Variants in DENND4A observed in about 807,000 individuals in gnomAD.
DENND4A encodes DENN domain containing 4A.
DENND4A carries 70 observed loss-of-function variants against 199.3 expected under a neutral mutation model. The ratio of observed to expected loss-of-function variants is 0.35; its 90% CI spans 0.29 to 0.43. The LOEUF (loss-of-function observed/expected upper bound fraction) is 0.43. Ranked by LOEUF, DENND4A falls within the 20% of genes least tolerant of loss-of-function variation. The pLI is 1.00. For missense variants in DENND4A, 1,723 were observed against 2,255.8 expected (o/e 0.76, Z 4.78); for synonymous variants, 686 against 766.9 (o/e 0.89, Z 1.74).
At chr15:65,697,624 G>A (rs1376901304) in intron 20 of DENND4A, among the ~76,000 whole-genome samples, 1 of 152,134 alleles carries the variant, frequency 6.6e-6, no homozygotes, top group African/African-American at 2.4e-5. Flanking sequence ...GTTCCACACT[G>A]TAGTCAAAAG....
chr15:65,786,530 G>C (rs1199810087), intron 1 of DENND4A, among the ~76,000 whole-genome samples: 1 of 151,254 alleles, frequency 6.6e-6, no homozygotes, highest in African/African-American at 2.4e-5. Context: ...AGGTGTTTGA[G>C]ACCAGCCTAG....
At chr15:65,735,433 T>A (rs1349427906) in intron 7 of DENND4A, among the ~76,000 whole-genome samples, 1 of 152,070 alleles carries the variant, frequency 6.6e-6, no homozygotes, top group Non-Finnish European at 1.5e-5. Context: ...ATGATGTCAT[T>A]TGCTTTCTGC....
At chr15:65,739,026 G>C (rs1029857648) in intron 5 of DENND4A, among the ~76,000 whole-genome samples, 151 bp from the exon 6 acceptor site, 3 of 152,088 alleles carry the variant, frequency 2.0e-5, no homozygotes, top group Admixed American at 1.3e-4. Flanking sequence ...ACTTTGGTAG[G>C]ATTCATAGAG....
At position 65,765,913 on chromosome 15, in the gene DENND4A, A is replaced by G. The variant is rs182182551; in HGVS notation, c.-101-4475T>C. On this transcript the variant is annotated intron_variant, in intron 1 of 32. Transcript: ENST00000443035. ...TTTTATCACAAAGTACATACGGCCA[A>G]TGAAATGCAGAGATATATTTCCAAA... is the stretch of plus-strand genomic sequence containing the variant. Among the ~76,000 whole-genome samples the G allele has an allele frequency of 4.6e-5, 7 of 152,328 alleles. No individual in the cohort carries two copies. In the East Asian group the frequency reaches 1.4e-3, roughly 29 times the overall value.
intron 24 of DENND4A, among the ~76,000 whole-genome samples, chr15:65,674,733 TAA>T (rs139568543): frequency 5.6e-4 from 74 of 133,322 alleles, no homozygotes; most frequent in Middle Eastern, 3.8e-3. Context: ...GACCCTATCT[TAA>T]AAAAAAAAAA....
Position 65,772,162 on chromosome 15 carries a change from T to C in DENND4A, c.-101-10724A>G, listed in dbSNP as rs149025977. 4.5e-4 allele frequency: 322 copies of C among 712,198 alleles called. 4 individuals carry two copies. In the East Asian group the frequency reaches 7.3e-3, roughly 16 times the overall value. The allele number at this position is 712,198 out of a possible 1,614,324, so 44.1% of individuals were successfully genotyped here. A position where few individuals can be genotyped will look rare whatever the true frequency, so the allele number is the denominator to read the frequency against. ...TCCATAGCTTGCTCCTTCGATTTTA[T>C]TTTCAATTACATTAGCAACACCATT... On this transcript the variant is annotated intron_variant, in intron 1 of 32. Transcript: ENST00000443035.
At chr15:65,705,287 A>C (rs2075010811) in intron 15 of DENND4A, among the ~76,000 whole-genome samples, 1 of 152,236 alleles carries the variant, frequency 6.6e-6, no homozygotes, top group Admixed American at 6.5e-5. Context: ...GAAAATAACA[A>C]ACCATGATTC....
At chr15:65,747,838 C>G (rs1412843019) in intron 4 of DENND4A, among the ~76,000 whole-genome samples, 1 of 151,782 alleles carries the variant, frequency 6.6e-6, no homozygotes, top group South Asian at 2.1e-4. Context: ...GTCAGGAGTT[C>G]AAGATCAGCC....
chr15:65,662,128 A>G (rs1019255531), intron 32 of DENND4A, 141 bp from the exon 33 acceptor site: 4 of 718,324 alleles, frequency 5.6e-6, no homozygotes, highest in South Asian at 2.1e-5. Flanking sequence ...CCAAAGGACC[A>G]CAGCTGGATT....
At chr15:65,731,511 G>A in intron 9 of DENND4A, 131 bp downstream of exon 9, 1 of 765,816 alleles carries the variant, frequency 1.3e-6, no homozygotes, top group South Asian at 1.5e-5. Context: ...TTAAGTAAAA[G>A]GAATTTAGAG....
rs188416811 is a variant in DENND4A at position 65,734,976 on chromosome 15, G to A, written c.1041-2158C>T. On this transcript the variant is annotated intron_variant, in intron 7 of 32. Coordinates refer to ENST00000443035, the MANE Select transcript of DENND4A (RefSeq NM_001320835.1). Reference sequence around the variant, plus strand: ...ATGTGCCTGCAGTCCCAGCTACTTGGAGGGGCTGAGGTGGGAGGATGGCTT... The same window carrying A: ...ATGTGCCTGCAGTCCCAGCTACTTGAAGGGGCTGAGGTGGGAGGATGGCTT... 1.9e-4 allele frequency among the ~76,000 whole-genome samples: 29 copies of A among 152,230 alleles called. No individual in the cohort carries two copies. In the East Asian group the frequency reaches 5.4e-3, roughly 28 times the overall value.
intron 23 of DENND4A, among the ~76,000 whole-genome samples, chr15:65,687,925 T>G (rs1188400487): frequency 2.0e-5 from 3 of 152,216 alleles, no homozygotes; most frequent in Non-Finnish European, 4.4e-5. Context: ...TATAAATCTG[T>G]ATCTTTTACC....
At chr15:65,725,862 G>A (rs564685415) in intron 11 of DENND4A, among the ~76,000 whole-genome samples, 1 of 152,086 alleles carries the variant, frequency 6.6e-6, no homozygotes, top group South Asian at 2.1e-4. Flanking sequence ...GACAGGGAAG[G>A]GGAAAAGAAA....
chr15:65,748,916 C>T (rs1312153145), intron 4 of DENND4A, among the ~76,000 whole-genome samples: 1 of 150,656 alleles, frequency 6.6e-6, no homozygotes, highest in Non-Finnish European at 1.5e-5. Context: ...TCACTTGAGC[C>T]CAAGAGGTCG....
chr15:65,782,028 T>C (rs758899584), intron 1 of DENND4A, among the ~76,000 whole-genome samples: 14 of 152,118 alleles, frequency 9.2e-5, no homozygotes, highest in Non-Finnish European at 2.1e-4. Context: ...AAAGAGTAAA[T>C]AAGAGAAAAA....
chr15:65,666,778 CAAAAA>C (rs36113125), intron 29 of DENND4A, among the ~76,000 whole-genome samples: 6 of 91,720 alleles, frequency 6.5e-5, no homozygotes, highest in East Asian at 2.4e-4. Context: ...GACCTTGTGT[CAAAAA>C]AAAAAAAAAA....
At chr15:65,718,936 C>T (rs12592843) in intron 12 of DENND4A, among the ~76,000 whole-genome samples, 30,597 of 150,658 alleles carry the variant, frequency 0.2, 4,156 homozygotes, top group East Asian at 0.73. Flanking sequence ...CCCATCACCA[C>T]GCCCAGCTAA....
intron 10 of DENND4A, 138 bp downstream of exon 10, chr15:65,729,396 G>A: frequency 7.2e-7 from 1 of 1,389,414 alleles, no homozygotes; most frequent in African/African-American, 1.4e-5. Flanking sequence ...TAATGGTCAG[G>A]AAATCAAAAC....
intron 7 of DENND4A, among the ~76,000 whole-genome samples, chr15:65,734,112 C>A (rs1040873208): frequency 2.0e-5 from 3 of 152,148 alleles, no homozygotes; most frequent in African/African-American, 7.2e-5. Flanking sequence ...AAGAGGAAGG[C>A]ATGCCTCTTG....
Sources: gnomAD v4.1 joint callset for allele counts (sites outside exome capture counted in the v4.1 genomes callset) on GRCh38, gnomAD v4.1.1 for gene constraint, MANE v1.5 for transcripts, NCBI Gene and HGNC (gene_info 2026-07-23, HGNC 2026-07-21) for gene names.